Variants in CDK8 observed in about 807,000 individuals in gnomAD.
CDK8 encodes cyclin dependent kinase 8.
CDK8 carries 29 observed loss-of-function variants against 71.5 expected under a neutral mutation model. The ratio of observed to expected loss-of-function variants is 0.41; its 90% CI spans 0.30 to 0.55. The LOEUF is 0.55. Among genes scored for constraint, CDK8 ranks in the 20% least tolerant of loss-of-function variants. CDK8 has a pLI of 0.37. For synonymous variants in CDK8, 161 were observed against 192.1 expected (o/e 0.84, Z 1.34); for missense variants, 288 against 572.6 (o/e 0.50, Z 5.07).
intron 1 of CDK8, among the ~76,000 whole-genome samples, chr13:26,259,352 C>G (rs1282135040): frequency 3.3e-5 from 5 of 151,982 alleles, no homozygotes; most frequent in Non-Finnish European, 7.4e-5. Flanking sequence ...GATTTTTTTT[C>G]TTGTCATTAT....
chr13:26,374,335 T>C (rs143447619), intron 4 of CDK8, among the ~76,000 whole-genome samples: 1 of 152,178 alleles, frequency 6.6e-6, no homozygotes, highest in Non-Finnish European at 1.5e-5. Flanking sequence ...TAATTAAATT[T>C]TTGTTATTAT....
chr13:26,350,569 G>A (rs1308763878), intron 3 of CDK8, among the ~76,000 whole-genome samples: 1 of 152,132 alleles, frequency 6.6e-6, no homozygotes, highest in Non-Finnish European at 1.5e-5. Flanking sequence ...AGTGGGTCCT[G>A]TTTGCACTGT....
chr13:26,304,951 A>G (rs1414998020), intron 1 of CDK8, among the ~76,000 whole-genome samples: 1 of 152,150 alleles, frequency 6.6e-6, no homozygotes, highest in Non-Finnish European at 1.5e-5. Context: ...TACAGGTGTG[A>G]GCCACTGTGC....
intron 1 of CDK8, among the ~76,000 whole-genome samples, chr13:26,300,700 A>G (rs1393431857): frequency 6.6e-6 from 1 of 152,194 alleles, no homozygotes; most frequent in African/African-American, 2.4e-5. Context: ...TCCTTGAGGT[A>G]CTAGTTGAGG....
intron 1 of CDK8, among the ~76,000 whole-genome samples, chr13:26,299,026 C>T (rs9319290): frequency 0.023 from 3,484 of 152,234 alleles, 134 homozygotes; most frequent in African/African-American, 0.08. Flanking sequence ...CTTTGAACCT[C>T]TTAAAAGATT....
intron 1 of CDK8, among the ~76,000 whole-genome samples, chr13:26,328,179 C>T (rs1167265625): frequency 6.6e-6 from 1 of 152,092 alleles, no homozygotes; most frequent in Non-Finnish European, 1.5e-5. Context: ...ATCATCATAC[C>T]TCAGCATGCA....
intron 1 of CDK8, among the ~76,000 whole-genome samples, chr13:26,256,629 C>G (rs1052420171): frequency 5.3e-5 from 8 of 152,186 alleles, no homozygotes; most frequent in African/African-American, 1.9e-4. Flanking sequence ...TTTTATATCT[C>G]TATGGTCAGG....
chr13:26,286,516 G>A (rs991843849), intron 1 of CDK8, among the ~76,000 whole-genome samples: 3 of 152,184 alleles, frequency 2.0e-5, no homozygotes, highest in African/African-American at 7.2e-5. Context: ...ATCAACTCAA[G>A]ATGGAGTAAA....
At chr13:26,279,922 A>G (rs961100619) in intron 1 of CDK8, among the ~76,000 whole-genome samples, 1 of 152,150 alleles carries the variant, frequency 6.6e-6, no homozygotes, top group African/African-American at 2.4e-5. Context: ...ACATCACCAC[A>G]TTGATCGTAT....
chr13:26,353,672 A>C, intron 3 of CDK8, 68 bp from the exon 4 acceptor site: 1 of 1,277,898 alleles, frequency 7.8e-7, no homozygotes, highest in Non-Finnish European at 1.1e-6. Flanking sequence ...TCTGTTAGGA[A>C]AATATTATAC....
chr13:26,359,465 T>G (rs191407543), intron 4 of CDK8: 2 of 158,100 alleles, frequency 1.3e-5, no homozygotes, highest in East Asian at 3.8e-4. Flanking sequence ...AGTTTGGTAA[T>G]TTTTCTTAGC....
intron 1 of CDK8, among the ~76,000 whole-genome samples, chr13:26,264,620 C>A (rs1234348540): frequency 6.6e-6 from 1 of 152,164 alleles, no homozygotes; most frequent in East Asian, 1.9e-4. Flanking sequence ...CACCAGACTG[C>A]AGTGCATTTT....
chr13:26,281,541 G>A (rs1872744212), intron 1 of CDK8, among the ~76,000 whole-genome samples: 1 of 103,606 alleles, frequency 9.7e-6, no homozygotes, highest in Admixed American at 8.8e-5. Flanking sequence ...GAAGGAATCA[G>A]AAAAGTAATT....
intron 3 of CDK8, among the ~76,000 whole-genome samples, chr13:26,351,355 T>A (rs780975791): frequency 1.2e-4 from 19 of 152,284 alleles, no homozygotes; most frequent in East Asian, 1.9e-4. Context: ...TCTTTTTTTT[T>A]AAATCTTTGG....
chr13:26,304,319 G>A (rs1039720984), intron 1 of CDK8, among the ~76,000 whole-genome samples: 1 of 150,594 alleles, frequency 6.6e-6, no homozygotes, highest in African/African-American at 2.4e-5. Context: ...TATGCAATAT[G>A]TAAGTTCAAT....
rs1762922727 is a variant in CDK8, at chr13:26,404,618, T to C, written c.*537T>C. On this transcript the variant is annotated 3_prime_UTR_variant, in exon 13 of 13. Coordinates refer to ENST00000381527, the MANE Select transcript of CDK8 (RefSeq NM_001260.3). ...GATTCATTTTCTACATTAATCAGTG[T>C]TTTCTGACCAAGAATATTGCTTGGA... The C allele has an allele frequency of 4.3e-6, 1 of 231,500 alleles. No individual in the cohort carries two copies. The highest frequency in any genetic ancestry group is 8.5e-6 in the Non-Finnish European group (1 of 117,100). The allele number at this position is 231,500 out of a possible 1,614,324, so 14.3% of individuals were successfully genotyped here. A position where few individuals can be genotyped will look rare whatever the true frequency, so the allele number is the denominator to read the frequency against.
At chr13:26,290,818 CAAAA>C (rs796801354) in intron 1 of CDK8, among the ~76,000 whole-genome samples, 3 of 150,836 alleles carry the variant, frequency 2.0e-5, no homozygotes, top group East Asian at 1.9e-4. Context: ...AACAAACAAA[CAAAA>C]AAACAAATTC....
At chr13:26,310,857 A>G (rs1296236634) in intron 1 of CDK8, among the ~76,000 whole-genome samples, 1 of 152,144 alleles carries the variant, frequency 6.6e-6, no homozygotes, top group African/African-American at 2.4e-5. Context: ...TACTTTGTTC[A>G]AATCTCTCCA....
intron 1 of CDK8, among the ~76,000 whole-genome samples, chr13:26,328,438 A>C (rs1357525848): frequency 1.3e-5 from 2 of 152,214 alleles, no homozygotes; most frequent in African/African-American, 2.4e-5. Context: ...TATCTTTGCA[A>C]CTGAAAATTT....
Sources: allele counts gnomAD v4.1 joint callset (sites outside exome capture counted in the v4.1 genomes callset), GRCh38; gene constraint gnomAD v4.1.1; transcripts MANE v1.5; gene names NCBI Gene and HGNC (gene_info 2026-07-23, HGNC 2026-07-21).